Variants in MYOM3 observed in about 807,000 individuals in gnomAD.
The protein encoded by MYOM3 is myomesin 3.
Under a neutral mutation model 191.7 loss-of-function variants are expected in MYOM3, and 155 were observed. The observed-to-expected ratio is 0.81, with a 90% CI of 0.71 to 0.92. The LOEUF (loss-of-function observed/expected upper bound fraction) is 0.92, where lower values mean the gene tolerates loss of function less well. Among genes scored for constraint, MYOM3 ranks in the 40% least tolerant of loss-of-function variants. The pLI is 0.00. For synonymous variants in MYOM3, 757 were observed against 762.9 expected (o/e 0.99, Z 0.13); for missense variants, 1,889 against 1,890.6 (o/e 1.00, Z 0.02).
rs534051914 is a variant in MYOM3 at position 24,106,871 on chromosome 1, A to G, written c.402+202T>C. Among the ~76,000 whole-genome samples, 22 of 152,280 alleles carry G rather than the reference A, an allele frequency of 1.4e-4. 1 individual carries two copies. In the East Asian group the frequency reaches 3.3e-3, roughly 23 times the overall value. ...GGCGTGAGCCACTGCGCCCAGCCCA[A>G]TTTTACAGATGAGAACACTGAGGCT... is the stretch of plus-strand genomic sequence containing the variant. On this transcript the variant is annotated intron_variant, in intron 4 of 36. Transcript: ENST00000374434.
chr1:24,059,977 G>A (rs1440771318), intron 35 of MYOM3, among the ~76,000 whole-genome samples: 1 of 152,178 alleles, frequency 6.6e-6, no homozygotes, highest in Non-Finnish European at 1.5e-5. Context: ...TGCAGTTGTG[G>A]GCAGAAAGTG....
intron 1 of MYOM3, among the ~76,000 whole-genome samples, chr1:24,110,979 C>T (rs760720554): frequency 3.3e-5 from 5 of 152,234 alleles, no homozygotes; most frequent in Non-Finnish European, 5.9e-5. Flanking sequence ...ATGCTCTGTT[C>T]CCGATTAGCA....
chr1:24,092,372 C>T, intron 10 of MYOM3, 57 bp from the exon 11 acceptor site: 2 of 1,320,178 alleles, frequency 1.5e-6, no homozygotes, highest in South Asian at 2.6e-5. Context: ...TGGTGACAGG[C>T]CCTTCCCACT....
At chr1:24,096,761 C>T (rs774594881) in intron 7 of MYOM3, among the ~76,000 whole-genome samples, 2 of 146,716 alleles carry the variant, frequency 1.4e-5, no homozygotes, top group Admixed American at 7.1e-5. Context: ...TGTGTGCACA[C>T]GTGGGCTTCT....
Position 24,089,753 on chromosome 1 carries a change from C to T in MYOM3, c.1487-88G>A, listed in dbSNP as rs1397482949. On this transcript the variant is annotated intron_variant, in intron 13 of 36. Coordinates refer to ENST00000374434, the MANE Select transcript of MYOM3 (RefSeq NM_152372.4). Reference sequence around the variant, plus strand: ...CCTCATTCCATGGAAGAGGGAACTACACCCCTACCCATCCCCCAGAGAGGG... The same window carrying T: ...CCTCATTCCATGGAAGAGGGAACTATACCCCTACCCATCCCCCAGAGAGGG... 1.3e-5 allele frequency: 19 copies of T among 1,408,318 alleles called. No homozygotes were observed. In the Admixed American group the frequency reaches 2.2e-4, roughly 16 times the overall value. 87.2% of individuals were successfully genotyped at this position (1,408,318 alleles called of 1,614,324 possible).
At position 24,057,381 on chromosome 1, in the gene MYOM3, C is replaced by T. The variant is rs2148539073; in HGVS notation, c.4297G>A (p.Glu1433Lys). The change falls in exon 37 of 37, where the codon GAG becomes AAG. Residue 1433 changes from glutamate (E) to lysine (K), a missense_variant. Transcript: ENST00000374434. ...SVFKHGDEPK[E>K]LKSM ...ACACGCTGTCACATGCTCTTCAGCT[C>T]CTTGGGCTCGTCCCCGTGCTTGAAC... The T allele has an allele frequency of 6.2e-7, 1 of 1,613,642 alleles. No individual in the cohort carries two copies. The highest frequency in any genetic ancestry group is 8.5e-7 in the Non-Finnish European group (1 of 1,179,994).
chr1:24,108,633 T>A lies in MYOM3; in HGVS notation c.4A>T (p.Thr2Ser), dbSNP rs1223219010. The A allele has an allele frequency of 2.6e-6, 4 of 1,553,210 alleles. No homozygotes were observed. Among genetic ancestry groups the A allele is most frequent in the Non-Finnish European group, 3.5e-6 (4 of 1,151,566 alleles). The change falls in exon 2 of 37, where the codon ACT becomes TCT. Residue 2 changes from threonine (T) to serine (S), a missense_variant. Transcript: ENST00000374434. ...GCACCTCCCAAGCTGTGCGGCAGAG[T>A]CATGGTTACGAGAGCAACAACCTGT... is the stretch of plus-strand genomic sequence containing the variant. M[T>S]LPHSLGGAGD...
chr1:24,068,944 G>A (rs936148254), intron 25 of MYOM3, among the ~76,000 whole-genome samples: 2 of 152,000 alleles, frequency 1.3e-5, no homozygotes, highest in Non-Finnish European at 2.9e-5. Flanking sequence ...GGCTGGTCTC[G>A]AACTCCTGGC....
At chr1:24,083,582 C>G (rs1287671460) in intron 16 of MYOM3, 5 of 152,260 alleles carry the variant, frequency 3.3e-5, no homozygotes, top group Non-Finnish European at 5.9e-5. Flanking sequence ...TCCTATTAGT[C>G]TGTCCCTCTA....
intron 32 of MYOM3, among the ~76,000 whole-genome samples, chr1:24,062,534 G>A (rs1450768870): frequency 6.6e-6 from 1 of 152,130 alleles, no homozygotes; most frequent in Non-Finnish European, 1.5e-5. Context: ...CAAGGCTGAG[G>A]CATGCAGCTG....
At position 24,076,244 on chromosome 1, in the gene MYOM3, G is replaced by A. The variant is rs768771585; in HGVS notation, c.2616C>T (p.Tyr872=). Residue 872 remains tyrosine (Y), a synonymous_variant, in exon 21 of 37, where the codon TAC becomes TAT. Coordinates refer to ENST00000374434, the MANE Select transcript of MYOM3 (RefSeq NM_152372.4). Reference sequence around the variant, plus strand: ...AATTCATGGCCTGTACCTGGAACACGTAACTCTTTCCTGGCTGCAAGTCGG... The same window carrying A: ...AATTCATGGCCTGTACCTGGAACACATAACTCTTTCCTGGCTGCAAGTCGG... ...RVSDLQPGKS[Y]VFQVQAMNSA... 18 of 1,614,014 alleles carry A rather than the reference G, an allele frequency of 1.1e-5. No homozygotes were observed. The highest frequency in any genetic ancestry group is 1.4e-5 in the Non-Finnish European group (17 of 1,179,972).
At chr1:24,072,493 C>G (rs532393521) in intron 23 of MYOM3, among the ~76,000 whole-genome samples, 1 of 152,054 alleles carries the variant, frequency 6.6e-6, no homozygotes, top group Non-Finnish European at 1.5e-5. Context: ...TCAGACTGTT[C>G]TAGAATGCTG....
intron 15 of MYOM3, among the ~76,000 whole-genome samples, chr1:24,085,588 C>A (rs1643728831): frequency 6.6e-6 from 1 of 152,176 alleles, no homozygotes; most frequent in African/African-American, 2.4e-5. Context: ...AAGGGTCCTG[C>A]CTATCCCAGG....
At position 24,067,033 on chromosome 1, in the gene MYOM3, C is replaced by G. The variant is rs1318123720; in HGVS notation, c.3411G>C (p.Gln1137His). Reference sequence around the variant, plus strand: ...GGGCAGGACTTGCCTTGCACGTCAGCTGCACTTGGCAGTCCTCCGTGACCT... The same window carrying G: ...GGGCAGGACTTGCCTTGCACGTCAGGTGCACTTGGCAGTCCTCCGTGACCT... ...QWKVTEDCQVQLTCKVTNTKK... is the reference protein window; with the variant it reads ...QWKVTEDCQVHLTCKVTNTKK... Residue 1137 changes from glutamine to histidine, a missense_variant, in exon 28 of 37, where the codon CAG (glutamine) becomes CAC (histidine). Transcript: ENST00000374434. 2.5e-6 allele frequency: 4 copies of G among 1,573,256 alleles called. No individual in the cohort carries two copies. The Admixed American group carries it at 7.2e-5, about 28-fold the overall frequency.
At chr1:24,059,842 G>A (rs1300589406) in intron 35 of MYOM3, among the ~76,000 whole-genome samples, 1 of 152,154 alleles carries the variant, frequency 6.6e-6, no homozygotes, top group African/African-American at 2.4e-5. Flanking sequence ...GGAACAGGAC[G>A]GGTGGTCAGC....
intron 15 of MYOM3, 132 bp from the exon 16 acceptor site, chr1:24,084,771 G>C: frequency 1.2e-6 from 1 of 829,910 alleles, no homozygotes; most frequent in African/African-American, 1.7e-5. Context: ...TTCCTGACCT[G>C]CTGGGGGCTT....
At chr1:24,094,360 T>C (rs1192346302) in intron 9 of MYOM3, among the ~76,000 whole-genome samples, 11 of 151,966 alleles carry the variant, frequency 7.2e-5, no homozygotes, top group Admixed American at 7.2e-4. Flanking sequence ...TTAGTAAAGA[T>C]GGGGTTTTGC....
At position 24,090,982 on chromosome 1, in the gene MYOM3, G is replaced by T; in HGVS notation, c.1247C>A (p.Ser416Tyr). ...CTCATGGCAGGCGATCCATTCCCCA[G>T]ACTCGCCCTGGCACCTGTTGGAGAC... is the stretch of plus-strand genomic sequence containing the variant. ...AYTIERCQGE[S>Y]GEWIACHEAP... Residue 416 changes from serine to tyrosine, a missense_variant, in exon 12 of 37, where the codon TCT (serine) becomes TAT (tyrosine). Transcript: ENST00000374434. 1 of 1,613,860 alleles carries T rather than the reference G, an allele frequency of 6.2e-7. No homozygotes were observed. Among genetic ancestry groups the T allele is most frequent in the Non-Finnish European group, 8.5e-7 (1 of 1,179,964 alleles).
intron 6 of MYOM3, 118 bp downstream of exon 6, chr1:24,099,562 G>C (rs1643896984): frequency 1.3e-6 from 1 of 771,096 alleles, no homozygotes; most frequent in African/African-American, 1.7e-5. Context: ...CAGCACCCTA[G>C]AGACTTCTGA....
Sources: gnomAD v4.1 joint callset for allele counts (sites outside exome capture counted in the v4.1 genomes callset) on GRCh38, gnomAD v4.1.1 for gene constraint, MANE v1.5 for transcripts, NCBI Gene and HGNC (gene_info 2026-07-23, HGNC 2026-07-21) for gene names.